Variants in ECE1 observed in about 807,000 individuals in gnomAD.
The protein encoded by ECE1 is endothelin converting enzyme 1, also known as endothelin-converting enzyme 1.
In ECE1, 35 loss-of-function variants were observed where a neutral mutation model predicts 98.6. That is an observed-to-expected ratio of 0.35 (90% CI 0.27 to 0.47). The LOEUF (loss-of-function observed/expected upper bound fraction) is 0.47. Among genes scored for constraint, ECE1 ranks in the 20% least tolerant of loss-of-function variants. The pLI is 1.00. For synonymous variants in ECE1, 394 were observed against 407.1 expected, an observed-to-expected ratio of 0.97 and a Z score of 0.39; for missense variants, 814 against 1,025.3, an observed-to-expected ratio of 0.79 and a Z score of 2.81.
At chr1:21,344,772 C>T (rs1207647003) in intron 1 of ECE1, among the ~76,000 whole-genome samples, 1 of 152,166 alleles carries the variant, frequency 6.6e-6, no homozygotes, top group Non-Finnish European at 1.5e-5. Flanking sequence ...GGTGCAGGGC[C>T]CCTGAGTGTC....
chr1:21,220,000 T>G lies in ECE1; in HGVS notation c.2268A>C (p.Pro756=), dbSNP rs1172854807. 1 of 1,614,032 alleles carries G rather than the reference T, an allele frequency of 6.2e-7. No homozygotes were observed. The highest frequency in any genetic ancestry group is 8.5e-7 in the Non-Finnish European group (1 of 1,180,032). ...GAGGCGGGTTCATGGGTGAGCCAGG[T>G]GGGCAGCGGAAGTGTTCTGAGAACT... The part of the protein sequence containing the change: ...SKEFSEHFRC[P]PGSPMNPPHK... Residue 756 remains proline, a synonymous_variant, in exon 19 of 19, where the codon CCA becomes CCC. Coordinates refer to ENST00000374893, the MANE Select transcript of ECE1 (RefSeq NM_001397.3). This position sits in a 1 kb window ranked among gnomAD's most constrained non-coding sequence, Gnocchi z 4.5.
Position 21,290,288 on chromosome 1 carries a change from G to A in ECE1, c.51+76C>T, listed in dbSNP as rs1207160647. On this transcript the variant is annotated intron_variant, in intron 1 of 18. Coordinates refer to ENST00000374893, the MANE Select transcript of ECE1 (RefSeq NM_001397.3). The surrounding 1 kb of genome is among the most constrained non-coding windows in gnomAD (Gnocchi z 7.3). ...GGCCTGGACACCCGAGACCGAGACC[G>A]GCCCACGGAGCGGCCCGCGCGGGGA... 4 of 1,263,330 alleles carry A rather than the reference G, an allele frequency of 3.2e-6. No homozygotes were observed. The highest frequency in any genetic ancestry group is 4.0e-5 in the Admixed American group (1 of 24,820). The allele number at this position is 1,263,330 out of a possible 1,614,324, so 78.3% of individuals were successfully genotyped here.
At chr1:21,343,908 C>T (rs1297102571) in intron 1 of ECE1, among the ~76,000 whole-genome samples, 3 of 152,152 alleles carry the variant, frequency 2.0e-5, no homozygotes, top group Admixed American at 1.3e-4. Context: ...CAAAGTCTCA[C>T]GGCCTTTTGG....
At chr1:21,326,377 G>A (rs1213554846) in intron 1 of ECE1, among the ~76,000 whole-genome samples, 6 of 152,064 alleles carry the variant, frequency 3.9e-5, no homozygotes, top group South Asian at 4.1e-4. Context: ...GGGTGTGTGT[G>A]TCGGGGGTGC....
chr1:21,275,665 C>G (rs1177557003), intron 3 of ECE1, among the ~76,000 whole-genome samples: 2 of 152,152 alleles, frequency 1.3e-5, no homozygotes, highest in Non-Finnish European at 2.9e-5. Flanking sequence ...GGACATTGGG[C>G]TAGGGACCTA....
At chr1:21,329,955 G>A (rs1639161031) in intron 1 of ECE1, among the ~76,000 whole-genome samples, 1 of 152,088 alleles carries the variant, frequency 6.6e-6, no homozygotes, top group Admixed American at 6.6e-5. Flanking sequence ...CAAGCATGCT[G>A]CAGGAAAGAA....
chr1:21,236,184 C>T (rs1157342364), intron 12 of ECE1, among the ~76,000 whole-genome samples: 1 of 152,286 alleles, frequency 6.6e-6, no homozygotes, highest in Non-Finnish European at 1.5e-5. Context: ...CCAGAGCCTT[C>T]CCGACCCACG....
chr1:21,282,546 C>A (rs1302965472), intron 2 of ECE1, among the ~76,000 whole-genome samples: 1 of 150,330 alleles, frequency 6.7e-6, no homozygotes, highest in Non-Finnish European at 1.5e-5. Flanking sequence ...AGAGATCACG[C>A]CACTGCACTC....
rs1263220285 is a variant in ECE1 at position 21,340,734 on chromosome 1, G to A, written c.3+4642C>T. Among the ~76,000 whole-genome samples the A allele has an allele frequency of 6.6e-6, 1 of 152,190 alleles. No individual in the cohort carries two copies. Among genetic ancestry groups the A allele is most frequent in the African/African-American group, 2.4e-5 (1 of 41,436 alleles). ...CGCCTGTAATCCCAGCTACTCGGGAGACTGAGGAGAATCACTTGAACCAGG... is the reference window on the plus strand; with the variant it reads ...CGCCTGTAATCCCAGCTACTCGGGAAACTGAGGAGAATCACTTGAACCAGG... On this transcript the variant is annotated intron_variant, in intron 1 of 18. Coordinates refer to the ECE1 transcript ENST00000415912. This position sits in a 1 kb window ranked among gnomAD's most constrained non-coding sequence, Gnocchi z 4.6.
chr1:21,304,804 A>C (rs1638561745), intron 1 of ECE1, among the ~76,000 whole-genome samples: 1 of 152,150 alleles, frequency 6.6e-6, no homozygotes, highest in Non-Finnish European at 1.5e-5. Flanking sequence ...TGGAAATTAC[A>C]CCTTATTAAG....
chr1:21,317,538 C>A (rs1177100962), intron 1 of ECE1, among the ~76,000 whole-genome samples: 1 of 152,238 alleles, frequency 6.6e-6, no homozygotes, highest in Non-Finnish European at 1.5e-5. Context: ...GGTCCCCTGA[C>A]CGGGATGGAG....
At chr1:21,273,340 TGTGTGC>T (rs1307739868) in intron 3 of ECE1, among the ~76,000 whole-genome samples, 8 of 90,266 alleles carry the variant, frequency 8.9e-5, no homozygotes, top group South Asian at 3.7e-4. Context: ...TGCCCGTGCG[TGTGTGC>T]GTGTGTGTGT....
In ECE1 at chr1:21,235,575, CA is replaced by C. The variant is rs1264386537; in HGVS notation, c.1566+274del. On this transcript the variant is annotated intron_variant, in intron 13 of 18. Transcript: ENST00000374893. This position sits in a 1 kb window ranked among gnomAD's most constrained non-coding sequence, Gnocchi z 4.2. ...CATATTAAATGGAGCTGACCACTTC[CA>C]GGGGGCACACAGCACGGGTTCTGTA... Among the ~76,000 whole-genome samples the C allele has an allele frequency of 6.6e-6, 1 of 152,148 alleles. No individual in the cohort carries two copies. Among genetic ancestry groups the C allele is most frequent in the African/African-American group, 2.4e-5 (1 of 41,428 alleles).
intron 10 of ECE1, among the ~76,000 whole-genome samples, chr1:21,239,238 A>C (rs1192847404): frequency 3.3e-5 from 5 of 152,152 alleles, no homozygotes; most frequent in Non-Finnish European, 7.4e-5. Flanking sequence ...TGTGGGCTGC[A>C]ACCTCCTGGG....
intron 9 of ECE1, 38 bp from the exon 10 acceptor site, chr1:21,245,141 T>A: frequency 6.3e-7 from 1 of 1,579,956 alleles, no homozygotes; most frequent in African/African-American, 1.3e-5. Context: ...CAGGGACACC[T>A]AGGCAGGGAG....
intron 1 of ECE1, among the ~76,000 whole-genome samples, chr1:21,334,008 G>T (rs1477174306): frequency 6.6e-6 from 1 of 152,174 alleles, no homozygotes; most frequent in Non-Finnish European, 1.5e-5. Context: ...AGAAAACCGA[G>T]GCTCAGAGAT....
intron 2 of ECE1, among the ~76,000 whole-genome samples, chr1:21,283,236 C>G (rs1015017791): frequency 1.5e-4 from 23 of 151,608 alleles, no homozygotes; most frequent in African/African-American, 5.6e-4. Flanking sequence ...TGAGCCACAG[C>G]GCCCGGCCCA....
At chr1:21,263,564 C>G (rs1217693076) in intron 4 of ECE1, among the ~76,000 whole-genome samples, 2 of 152,122 alleles carry the variant, frequency 1.3e-5, no homozygotes, top group Admixed American at 6.5e-5. Flanking sequence ...ACCATGTTGG[C>G]CAGGATGGTC....
At chr1:21,310,560 C>G (rs759729864) in intron 1 of ECE1, among the ~76,000 whole-genome samples, 5 of 152,088 alleles carry the variant, frequency 3.3e-5, no homozygotes, top group Non-Finnish European at 7.3e-5. Flanking sequence ...TTGCTGTTAG[C>G]AGAAGAAAGG....
Sources: allele counts gnomAD v4.1 joint callset (sites outside exome capture counted in the v4.1 genomes callset), GRCh38; gene constraint gnomAD v4.1.1; non-coding constraint Gnocchi (gnomAD v3.1); transcripts MANE v1.5; gene names NCBI Gene and HGNC (gene_info 2026-07-23, HGNC 2026-07-21).